SORCS2: variants seen among roughly 807,000 people sequenced by gnomAD.
SORCS2 encodes the protein sortilin related VPS10 domain containing receptor 2, also known as VPS10 domain-containing receptor SorCS2.
Under a neutral mutation model 141.6 loss-of-function variants are expected in SORCS2, and 100 were observed. The observed-to-expected ratio is 0.71, with a 90% CI of 0.60 to 0.83. The LOEUF (loss-of-function observed/expected upper bound fraction) is 0.83. Ranked by LOEUF, SORCS2 falls within the 40% of genes least tolerant of loss-of-function variation. The pLI is 0.00. For missense variants in SORCS2, 1,646 were observed against 1,560.2 expected, an observed-to-expected ratio of 1.05 and a Z score of -0.93; for synonymous variants, 789 against 676.9, an observed-to-expected ratio of 1.17 and a Z score of -2.57.
At chr4:7,434,492 G>T in intron 2 of SORCS2, 1 of 1,612,108 alleles carries the variant, frequency 6.2e-7, no homozygotes, top group Non-Finnish European at 8.5e-7. Context: ...ACCTGTGCCG[G>T]GGCACTGTCC....
chr4:7,643,580 A>T (rs1560450985), intron 4 of SORCS2, among the ~76,000 whole-genome samples: 1 of 152,084 alleles, frequency 6.6e-6, no homozygotes. Flanking sequence ...TGGAGGAGGA[A>T]TGTTCGAACA....
intron 3 of SORCS2, among the ~76,000 whole-genome samples, chr4:7,633,808 A>AGT (rs1337320035): frequency 1.3e-4 from 8 of 59,492 alleles, no homozygotes; most frequent in Admixed American, 2.2e-4. Context: ...GTCAGGCGGG[A>AGT]TTAACGGCCA....
chr4:7,698,936 G>T (rs564757748), intron 12 of SORCS2, among the ~76,000 whole-genome samples: 1 of 152,168 alleles, frequency 6.6e-6, no homozygotes, highest in African/African-American at 2.4e-5. Context: ...GGGAGGGCAG[G>T]GTGGTGAGCC....
chr4:7,718,006 A>G lies in SORCS2; in HGVS notation c.2253-6A>G. The G allele has an allele frequency of 6.3e-7, 1 of 1,599,036 alleles. No homozygotes were observed. Among genetic ancestry groups the G allele is most frequent in the Non-Finnish European group, 8.5e-7 (1 of 1,172,230 alleles). On this transcript the variant is annotated splice_polypyrimidine_tract_variant and splice_region_variant and intron_variant, in intron 17 of 26. Transcript: ENST00000507866. ...AGCGGACCCTGACCCTCTCTTGTCA[A>G]TCCAGGTACCGGAAAGTGGTGTCCA... is the stretch of plus-strand genomic sequence containing the variant.
At chr4:7,708,707 C>T (rs919710196) in intron 14 of SORCS2, among the ~76,000 whole-genome samples, 5 of 152,210 alleles carry the variant, frequency 3.3e-5, no homozygotes, top group African/African-American at 7.2e-5. Flanking sequence ...CTGCATACTA[C>T]GGGCTGTTTT....
At chr4:7,249,818 C>T (rs972822223) in intron 1 of SORCS2, among the ~76,000 whole-genome samples, 8 of 152,176 alleles carry the variant, frequency 5.3e-5, no homozygotes, top group South Asian at 2.1e-4. Flanking sequence ...TGCCAGGACC[C>T]GCAGGTTTCC....
intron 1 of SORCS2, among the ~76,000 whole-genome samples, chr4:7,331,979 A>T (rs1719682708): frequency 6.6e-6 from 1 of 152,134 alleles, no homozygotes; most frequent in Admixed American, 6.5e-5. Flanking sequence ...CCGTCCTGAG[A>T]GCTGAAGACT....
intron 2 of SORCS2, among the ~76,000 whole-genome samples, chr4:7,482,751 A>T (rs1489293126): frequency 2.2e-5 from 2 of 91,524 alleles, no homozygotes; most frequent in South Asian, 1.0e-3. Flanking sequence ...GACACCCCTG[A>T]CGCTGTTCAG....
rs1208042446 is a variant in SORCS2, at chr4:7,663,747, G to A, written c.953-606G>A. 6.6e-6 allele frequency among the ~76,000 whole-genome samples: 1 copy of A among 152,276 alleles called. No homozygotes were observed. The highest frequency in any genetic ancestry group is 2.4e-5 in the African/African-American group (1 of 41,556). ...AAAGGAAGAGGAGGAAGAGGAGGAG[G>A]AGGAGGCACCCTTCCCTTGGTCCCC... On this transcript the variant is annotated intron_variant, in intron 6 of 26. Coordinates refer to ENST00000507866, the MANE Select transcript of SORCS2 (RefSeq NM_020777.3). The surrounding 1 kb of genome is among the most constrained non-coding windows in gnomAD (Gnocchi z 4.8).
chr4:7,614,924 A>C (rs914692666), intron 3 of SORCS2, among the ~76,000 whole-genome samples: 9 of 150,476 alleles, frequency 6.0e-5, no homozygotes, highest in African/African-American at 2.2e-4. Flanking sequence ...TCCACCTATT[A>C]ATCCACCTAC....
At chr4:7,244,007 T>C (rs1712897589) in intron 1 of SORCS2, among the ~76,000 whole-genome samples, 1 of 152,228 alleles carries the variant, frequency 6.6e-6, no homozygotes, top group Non-Finnish European at 1.5e-5. Context: ...GTTCTTGGTG[T>C]TGAGTCGTCT....
chr4:7,640,080 A>C (rs1720578747), intron 4 of SORCS2, among the ~76,000 whole-genome samples: 1 of 150,280 alleles, frequency 6.7e-6, no homozygotes, highest in Non-Finnish European at 1.5e-5. Flanking sequence ...AGTGTGAAAC[A>C]GCATGTCAGT....
chr4:7,299,364 C>T (rs907656752), intron 1 of SORCS2, among the ~76,000 whole-genome samples: 3 of 152,222 alleles, frequency 2.0e-5, no homozygotes, highest in Non-Finnish European at 2.9e-5. Flanking sequence ...CGCTCTCCAC[C>T]GCTTGTCTTC....
intron 2 of SORCS2, among the ~76,000 whole-genome samples, chr4:7,456,204 C>T (rs756407307): frequency 7.2e-5 from 11 of 152,174 alleles, no homozygotes; most frequent in Non-Finnish European, 1.5e-4. Context: ...TTTAAATGTC[C>T]TAGTTCCAAT....
At chr4:7,688,274 C>T (rs1723999268) in intron 10 of SORCS2, among the ~76,000 whole-genome samples, 1 of 152,138 alleles carries the variant, frequency 6.6e-6, no homozygotes, top group Non-Finnish European at 1.5e-5. Flanking sequence ...CAGGCCTCAC[C>T]GTCACTGTCT....
At chr4:7,531,065 C>T (rs1051344040) in intron 2 of SORCS2, among the ~76,000 whole-genome samples, 2 of 152,072 alleles carry the variant, frequency 1.3e-5, no homozygotes, top group African/African-American at 4.8e-5. Flanking sequence ...AGCAGATAGG[C>T]CACAGGAATG....
intron 2 of SORCS2, among the ~76,000 whole-genome samples, chr4:7,484,978 C>T (rs1391506846): frequency 1.5e-5 from 1 of 67,862 alleles, no homozygotes; most frequent in African/African-American, 5.0e-5. Flanking sequence ...CTGTCCCGGC[C>T]CTCCCCAACA....
At position 7,742,241 on chromosome 4, in the gene SORCS2, G is replaced by T. The variant is rs1288142694; in HGVS notation, c.*1977G>T. 3 of 152,318 alleles carry T rather than the reference G, an allele frequency of 2.0e-5. No individual in the cohort carries two copies. The highest frequency in any genetic ancestry group is 4.4e-5 in the Non-Finnish European group (3 of 68,104). 9.4% of individuals were successfully genotyped at this position (152,318 alleles called of 1,614,324 possible). A position where few individuals can be genotyped will look rare whatever the true frequency, so the allele number is the denominator to read the frequency against. On this transcript the variant is annotated 3_prime_UTR_variant, in exon 27 of 27. Transcript: ENST00000507866. ...TGCAGTCTGCAAGGACACCTTTGCA[G>T]GGATTCTTGTCCTGCTGGCCACCCC... is the stretch of plus-strand genomic sequence containing the variant.
chr4:7,396,209 G>A lies in SORCS2; in HGVS notation c.481-79G>A, dbSNP rs1022751406. The A allele has an allele frequency of 6.1e-5, 84 of 1,377,470 alleles. 1 individual carries two copies. The African/African-American group carries it at 9.2e-4, about 15-fold the overall frequency. The allele number at this position is 1,377,470 out of a possible 1,614,324, so 85.3% of individuals were successfully genotyped here. A position where few individuals can be genotyped will look rare whatever the true frequency, so the allele number is the denominator to read the frequency against. On this transcript the variant is annotated intron_variant, in intron 1 of 26. Coordinates refer to ENST00000507866, the MANE Select transcript of SORCS2 (RefSeq NM_020777.3). ...ATTTAGAGACCCCAAATTCTGGCAC[G>A]GAGTGGTGTCACTGTACCTCTCTTT...
Sources: gnomAD v4.1 joint callset for allele counts (sites outside exome capture counted in the v4.1 genomes callset) on GRCh38, gnomAD v4.1.1 for gene constraint, Gnocchi (gnomAD v3.1) non-coding constraint, MANE v1.5 for transcripts, NCBI Gene and HGNC (gene_info 2026-07-23, HGNC 2026-07-21) for gene names.